The following TBCD variants were observed in gnomAD, a reference collection of about 807,000 sequenced individuals.
The protein encoded by TBCD is tubulin-specific chaperone D.
In TBCD, 105 loss-of-function variants were observed where a neutral mutation model predicts 169.3. That is an observed-to-expected ratio of 0.62 (90% CI 0.53 to 0.73). The LOEUF (loss-of-function observed/expected upper bound fraction) is 0.73, where lower values mean the gene tolerates loss of function less well. TBCD is among the 30% of genes least tolerant of loss of function. TBCD has a pLI of 0.00. For missense variants in TBCD, 1,444 were observed against 1,600.1 expected (o/e 0.90, Z 1.66); for synonymous variants, 700 against 643.9 (o/e 1.09, Z -1.32).
intron 13 of TBCD, 37 bp downstream of exon 13, chr17:82,814,971 C>T (rs762316445): frequency 4.5e-5 from 73 of 1,607,374 alleles, no homozygotes; most frequent in East Asian, 1.3e-4. Flanking sequence ...GGATGTCTGG[C>T]GCTGGCGGAG....
At chr17:82,927,158 T>C in intron 28 of TBCD, 28 bp from the exon 29 acceptor site, 1 of 1,613,696 alleles carries the variant, frequency 6.2e-7, no homozygotes, top group Non-Finnish European at 8.5e-7. Flanking sequence ...CGATGTTTGT[T>C]TGTTAGCTCA....
intron 37 of TBCD, 72 bp from the exon 38 acceptor site, chr17:82,941,327 C>G: frequency 1.5e-6 from 2 of 1,340,492 alleles, no homozygotes; most frequent in Non-Finnish European, 2.0e-6. Context: ...GGAAGCTTGA[C>G]GCGGGACCTC....
intron 13 of TBCD, among the ~76,000 whole-genome samples, chr17:82,850,164 TTGCCTGTGCTGC>T: frequency 9.0e-6 from 1 of 110,894 alleles, no homozygotes; most frequent in Non-Finnish European, 1.9e-5. Context: ...TGTGCTGTTG[TTGCCTGTGCTGC>T]TGTTGGCTGT....
intron 14 of TBCD, among the ~76,000 whole-genome samples, chr17:82,873,187 T>C (rs1215580415): frequency 6.6e-6 from 1 of 152,252 alleles, no homozygotes; most frequent in Non-Finnish European, 1.5e-5. Flanking sequence ...GTGAAAATCC[T>C]CACGGATTTC....
At chr17:82,808,100 C>T (rs2051116105) in intron 11 of TBCD, among the ~76,000 whole-genome samples, 1 of 152,190 alleles carries the variant, frequency 6.6e-6, no homozygotes, top group African/African-American at 2.4e-5. Context: ...TGGGAGTCGA[C>T]ATGCACCCTG....
At chr17:82,796,751 G>A (rs1005653880) in intron 7 of TBCD, among the ~76,000 whole-genome samples, 17 of 152,230 alleles carry the variant, frequency 1.1e-4, no homozygotes, top group African/African-American at 3.9e-4. Context: ...CATGGAGAGA[G>A]TCTAAGTTCC....
chr17:82,832,591 C>G lies in TBCD; in HGVS notation c.1318+17657C>G. The G allele has an allele frequency of 1.3e-6, 1 of 785,556 alleles. No homozygotes were observed. The highest frequency in any genetic ancestry group is 2.6e-5 in the East Asian group (1 of 37,890). The allele number at this position is 785,556 out of a possible 1,614,324, so 48.7% of individuals were successfully genotyped here. A position where few individuals can be genotyped will look rare whatever the true frequency, so the allele number is the denominator to read the frequency against. On this transcript the variant is annotated intron_variant, in intron 13 of 38. Transcript: ENST00000355528. The surrounding 1 kb of genome is among the most constrained non-coding windows in gnomAD (Gnocchi z 4.9). The stretch of plus-strand genomic sequence containing the variant: ...TCACTTCTATCAGAAGCCAGCTCTG[C>G]GTGCTGAGGGTCTGGCGAGAGCCTC...
chr17:82,899,839 T>C (rs554066742), intron 17 of TBCD, among the ~76,000 whole-genome samples: 1 of 152,366 alleles, frequency 6.6e-6, no homozygotes, highest in South Asian at 2.1e-4. Flanking sequence ...GGTAACGATT[T>C]AACAATTAGC....
rs1281999052 is a variant in TBCD, at chr17:82,923,679, C to G, written c.2206C>G (p.Leu736Val). The G allele has an allele frequency of 1.3e-6, 2 of 1,593,582 alleles. No individual in the cohort carries two copies. Among genetic ancestry groups the G allele is most frequent in the East Asian group, 2.3e-5 (1 of 44,132 alleles). ...TGCAGCAGTCTCGGCCCTGGCTGCT[C>G]TATGCAGTGAATATTACATGAAGGA... is the stretch of plus-strand genomic sequence containing the variant. ...KDAAVSALAA[L>V]CSEYYMKEPG... The change falls in exon 26 of 39, where the codon CTA becomes GTA. Residue 736 changes from leucine (L) to valine (V), a missense_variant. Leu to Val is a conservative substitution (Grantham distance 32). Coordinates refer to ENST00000355528, the MANE Select transcript of TBCD (RefSeq NM_005993.5). The surrounding 1 kb of genome is among the most constrained non-coding windows in gnomAD (Gnocchi z 4.6).
intron 14 of TBCD, among the ~76,000 whole-genome samples, chr17:82,871,569 C>T (rs1317911260): frequency 9.9e-5 from 15 of 152,260 alleles, no homozygotes; most frequent in Non-Finnish European, 5.9e-5. Context: ...AGCCGAGCGT[C>T]CCCTGCTCAC....
chr17:82,801,826 G>T (rs113714377), intron 9 of TBCD, among the ~76,000 whole-genome samples: 23 of 145,806 alleles, frequency 1.6e-4, no homozygotes, highest in African/African-American at 4.3e-4. Context: ...CAGGAGGGCG[G>T]CGTGTGCGTC....
intron 14 of TBCD, among the ~76,000 whole-genome samples, chr17:82,881,994 T>C (rs931608297): frequency 6.7e-6 from 1 of 149,870 alleles, no homozygotes; most frequent in East Asian, 2.1e-4. Flanking sequence ...ACCCAGGCCC[T>C]CTTGGCCATC....
chr17:82,783,015 T>G (rs577711644), intron 7 of TBCD, among the ~76,000 whole-genome samples: 104 of 152,160 alleles, frequency 6.8e-4, no homozygotes, highest in African/African-American at 2.5e-3. Context: ...TCTTCCTGTC[T>G]GTGGTATCAT....
chr17:82,929,291 C>A lies in TBCD; in HGVS notation c.2852+20C>A, dbSNP rs759343129. 2 of 1,611,980 alleles carry A rather than the reference C, an allele frequency of 1.2e-6. No individual in the cohort carries two copies. Among genetic ancestry groups the A allele is most frequent in the African/African-American group, 2.7e-5 (2 of 75,000 alleles). On this transcript the variant is annotated intron_variant, in intron 31 of 38. Coordinates refer to ENST00000355528, the MANE Select transcript of TBCD (RefSeq NM_005993.5). ...TCCCAGGTACTGTCGGGGTGTAGGC[C>A]CCCCGTGCTGGCCCCGCAGCCATGG... is the stretch of plus-strand genomic sequence containing the variant.
intron 13 of TBCD, among the ~76,000 whole-genome samples, chr17:82,815,942 T>A (rs1598674252): frequency 6.6e-6 from 1 of 152,198 alleles, no homozygotes; most frequent in Non-Finnish European, 1.5e-5. Context: ...ATGCACTCAT[T>A]TAAGTGTACG....
chr17:82,846,373 A>G (rs28675271), intron 13 of TBCD, among the ~76,000 whole-genome samples: 1,921 of 81,356 alleles, frequency 0.024, 49 homozygotes, highest in African/African-American at 0.073. Flanking sequence ...GCTGTGTCCC[A>G]TGTGCCGTGT....
At chr17:82,758,400 A>AAAAAAAAAAAAAAAAAAAT (rs1035939621) in intron 2 of TBCD, among the ~76,000 whole-genome samples, 100 of 99,960 alleles carry the variant, frequency 1.0e-3, no homozygotes, top group Non-Finnish European at 1.4e-3. Flanking sequence ...AAAAAAAAAA[A>AAAAAAAAAAAAAAAAAAAT]AAATAAATAA....
At chr17:82,840,309 T>C (rs1175573051) in intron 13 of TBCD, 1 of 152,246 alleles carries the variant, frequency 6.6e-6, no homozygotes, top group East Asian at 1.9e-4. Flanking sequence ...GATTACTATA[T>C]TCATCAGAAT....
rs1377056142 is a variant in TBCD at position 82,870,299 on chromosome 17, A to ACGC, written c.1399_1401dup (p.Ala467dup). ...TGCAGCGTGGGCACCAACGTCAGGG[A>ACGC]CGCCGCCTGCTACGTGTGCTGGGCC... On this transcript the variant is annotated inframe_insertion, in exon 14 of 39. Transcript: ENST00000355528. 6.2e-7 allele frequency: 1 copy of ACGC among 1,613,390 alleles called. No individual in the cohort carries two copies. Among genetic ancestry groups the ACGC allele is most frequent in the Non-Finnish European group, 8.5e-7 (1 of 1,179,874 alleles).
Sources: allele counts gnomAD v4.1 joint callset (sites outside exome capture counted in the v4.1 genomes callset), GRCh38; gene constraint gnomAD v4.1.1; non-coding constraint Gnocchi (gnomAD v3.1); transcripts MANE v1.5; gene names NCBI Gene and HGNC (gene_info 2026-07-23, HGNC 2026-07-21).